Variants in OSBP2 observed in about 807,000 individuals in gnomAD.
OSBP2 encodes the protein oxysterol-binding protein 2.
In OSBP2, 66 loss-of-function variants were observed where a neutral mutation model predicts 96.0. That is an observed-to-expected ratio of 0.69 (90% CI 0.56 to 0.84). The LOEUF is 0.84. OSBP2 is among the 40% of genes least tolerant of loss of function. The pLI, the probability that OSBP2 is intolerant of heterozygous loss-of-function variation, is 0.00. For missense variants in OSBP2, 1,038 were observed against 1,222.7 expected (o/e 0.85, Z 2.25); for synonymous variants, 525 against 520.9 (o/e 1.01, Z -0.11).
intron 1 of OSBP2, among the ~76,000 whole-genome samples, chr22:30,706,003 G>C (rs1156364366): frequency 6.6e-6 from 1 of 152,218 alleles, no homozygotes; most frequent in African/African-American, 2.4e-5. Flanking sequence ...AGTAAAGAAA[G>C]ACAGGTCTAT....
chr22:30,845,900 G>T (rs559307708), intron 2 of OSBP2, among the ~76,000 whole-genome samples: 225 of 143,010 alleles, frequency 1.6e-3, no homozygotes, highest in Admixed American at 3.1e-3. Context: ...AAAAAAAAAG[G>T]CAGTATTTGC....
rs904509087 is a variant in OSBP2 at position 30,769,654 on chromosome 22, C to CA, written c.853+28293dup. ...ACAGAGAGAGACTCCATCTCAAAAA[C>CA]AAAAAAAATGTTAAATTAAATTAAA... is the stretch of plus-strand genomic sequence containing the variant. On this transcript the variant is annotated intron_variant, in intron 2 of 13. Coordinates refer to ENST00000332585, the MANE Select transcript of OSBP2 (RefSeq NM_030758.4). 2.9e-4 allele frequency among the ~76,000 whole-genome samples: 44 copies of CA among 151,392 alleles called. 1 individual carries two copies. The highest frequency in any genetic ancestry group is 7.2e-4 in the Admixed American group (11 of 15,194).
At chr22:30,786,018 TTGTGTGTGTG>T (rs59686538) in intron 2 of OSBP2, among the ~76,000 whole-genome samples, 2 of 149,106 alleles carry the variant, frequency 1.3e-5, no homozygotes, top group African/African-American at 4.9e-5. Flanking sequence ...CTAATACAGT[TTGTGTGTGTG>T]TGTGTGTGTG....
At chr22:30,751,591 G>T (rs895894840) in intron 2 of OSBP2, among the ~76,000 whole-genome samples, 11 of 152,104 alleles carry the variant, frequency 7.2e-5, no homozygotes, top group African/African-American at 2.4e-4. Context: ...CTGACCTGAG[G>T]TGATCCTCCT....
At chr22:30,817,119 A>C (rs530062698) in intron 2 of OSBP2, among the ~76,000 whole-genome samples, 27 of 152,320 alleles carry the variant, frequency 1.8e-4, no homozygotes, top group African/African-American at 5.3e-4. Context: ...CCAGCAACAC[A>C]TTATCACAAA....
intron 1 of OSBP2, among the ~76,000 whole-genome samples, chr22:30,705,682 T>C (rs1196419603): frequency 6.6e-6 from 1 of 152,192 alleles, no homozygotes; most frequent in African/African-American, 2.4e-5. Context: ...AGGGAGGGTC[T>C]GTTAATCCAA....
chr22:30,849,590 T>G (rs1446426045), intron 2 of OSBP2, among the ~76,000 whole-genome samples: 1 of 152,244 alleles, frequency 6.6e-6, no homozygotes, highest in East Asian at 1.9e-4. Flanking sequence ...GAGGGTGATG[T>G]TTGCCTTATT....
At chr22:30,790,534 G>T (rs990780825) in intron 2 of OSBP2, among the ~76,000 whole-genome samples, 2 of 151,954 alleles carry the variant, frequency 1.3e-5, no homozygotes, top group African/African-American at 4.8e-5. Context: ...CACACATGTG[G>T]TTGCTCCAAG....
intron 1 of OSBP2, among the ~76,000 whole-genome samples, chr22:30,725,752 C>T (rs2089639074): frequency 6.6e-6 from 1 of 151,060 alleles, no homozygotes; most frequent in Non-Finnish European, 1.5e-5. Flanking sequence ...TCAATGTCTG[C>T]TTTTCTAATT....
At chr22:30,753,897 C>T (rs540033811) in intron 2 of OSBP2, among the ~76,000 whole-genome samples, 80 of 152,220 alleles carry the variant, frequency 5.3e-4, no homozygotes, top group Non-Finnish European at 9.0e-4. Flanking sequence ...GGCCTTTTCT[C>T]CAGCCAGTTT....
intron 1 of OSBP2, among the ~76,000 whole-genome samples, chr22:30,717,796 C>T (rs146051998): frequency 6.6e-6 from 1 of 152,296 alleles, no homozygotes; most frequent in East Asian, 1.9e-4. Context: ...CCAGCATCAT[C>T]ATCTCCTGCT....
chr22:30,786,961 G>A (rs1022357815), intron 2 of OSBP2, among the ~76,000 whole-genome samples: 2 of 152,006 alleles, frequency 1.3e-5, no homozygotes, highest in Non-Finnish European at 2.9e-5. Flanking sequence ...ACCACACCAG[G>A]CTAATTTTTT....
chr22:30,698,163 A>C (rs1479064769), intron 1 of OSBP2, among the ~76,000 whole-genome samples: 2 of 152,168 alleles, frequency 1.3e-5, no homozygotes, highest in African/African-American at 4.8e-5. Context: ...AAATGTGCCC[A>C]GTGCCGTGCA....
At chr22:30,817,849 A>G (rs2091099813) in intron 2 of OSBP2, among the ~76,000 whole-genome samples, 1 of 152,142 alleles carries the variant, frequency 6.6e-6, no homozygotes, top group Non-Finnish European at 1.5e-5. Context: ...CCTGGGAAAG[A>G]AAGCTCAGGG....
At chr22:30,806,814 C>T (rs1441370723) in intron 2 of OSBP2, among the ~76,000 whole-genome samples, 1 of 152,158 alleles carries the variant, frequency 6.6e-6, no homozygotes, top group Non-Finnish European at 1.5e-5. Context: ...CTAGCAGCTC[C>T]ATCTGGCCCC....
chr22:30,826,405 C>T (rs971731621), intron 2 of OSBP2, among the ~76,000 whole-genome samples: 2 of 152,188 alleles, frequency 1.3e-5, no homozygotes, highest in African/African-American at 4.8e-5. Context: ...ATGCCCAGTC[C>T]AGCCTCCCTC....
At chr22:30,741,656 G>T (rs886595840) in intron 2 of OSBP2, among the ~76,000 whole-genome samples, 3 of 152,176 alleles carry the variant, frequency 2.0e-5, no homozygotes, top group African/African-American at 7.2e-5. Context: ...AGATGCTGCA[G>T]TGGGTTAGGT....
chr22:30,905,741 C>A, intron 12 of OSBP2, 96 bp from the exon 13 acceptor site: 1 of 1,381,680 alleles, frequency 7.2e-7, no homozygotes, highest in South Asian at 1.3e-5. Context: ...GGTGAGGCGA[C>A]CCGGGAGGAG....
intron 1 of OSBP2, among the ~76,000 whole-genome samples, chr22:30,705,029 G>T (rs1049351351): frequency 1.3e-5 from 2 of 152,204 alleles, no homozygotes; most frequent in East Asian, 3.9e-4. Context: ...ACTTGGCTTT[G>T]AGTGATGGAG....
Sources: allele counts gnomAD v4.1 joint callset (sites outside exome capture counted in the v4.1 genomes callset), GRCh38; gene constraint gnomAD v4.1.1; transcripts MANE v1.5; gene names NCBI Gene and HGNC (gene_info 2026-07-23, HGNC 2026-07-21).